The following TRPC6 variants were observed in gnomAD, a reference collection of about 807,000 sequenced individuals.
TRPC6 encodes the protein short transient receptor potential channel 6.
A neutral mutation model predicts 90.7 loss-of-function variants in TRPC6; 55 were observed. The ratio of observed to expected loss-of-function variants is 0.61; its 90% CI spans 0.49 to 0.76. The LOEUF (loss-of-function observed/expected upper bound fraction) is 0.76, where lower values mean the gene tolerates loss of function less well. Ranked by LOEUF, TRPC6 falls within the 30% of genes least tolerant of loss-of-function variation. TRPC6 has a pLI of 0.00. For synonymous variants in TRPC6, 393 were observed against 393.0 expected, an observed-to-expected ratio of 1.00 and a Z score of 0.00; for missense variants, 989 against 1,122.7, an observed-to-expected ratio of 0.88 and a Z score of 1.70.
chr11:101,508,660 G>C (rs1335465211), intron 1 of TRPC6, among the ~76,000 whole-genome samples: 1 of 152,070 alleles, frequency 6.6e-6, no homozygotes, highest in Non-Finnish European at 1.5e-5. Flanking sequence ...GGGAGAGACA[G>C]TATCTTCCAA....
At chr11:101,473,210 T>C (rs1859334040) in intron 7 of TRPC6, among the ~76,000 whole-genome samples, 1 of 152,140 alleles carries the variant, frequency 6.6e-6, no homozygotes, top group South Asian at 2.1e-4. Context: ...CTATGGAATA[T>C]TCAGCAAATT....
intron 1 of TRPC6, among the ~76,000 whole-genome samples, chr11:101,532,238 C>T (rs1351098776): frequency 6.6e-6 from 1 of 152,138 alleles, no homozygotes; most frequent in Non-Finnish European, 1.5e-5. Context: ...AAATCCAAAA[C>T]CTAAATCTTC....
At chr11:101,581,945 T>C (rs1862206552) in intron 1 of TRPC6, among the ~76,000 whole-genome samples, 2 of 152,230 alleles carry the variant, frequency 1.3e-5, no homozygotes, top group Admixed American at 1.3e-4. Context: ...AAATATCTTC[T>C]AATTTAACAC....
At chr11:101,487,730 T>C (rs908928816) in intron 4 of TRPC6, among the ~76,000 whole-genome samples, 1 of 152,182 alleles carries the variant, frequency 6.6e-6, no homozygotes, top group African/African-American at 2.4e-5. Flanking sequence ...ATTTATATTA[T>C]GAATCTGAGA....
At chr11:101,503,545 T>C (rs17741661) in intron 2 of TRPC6, among the ~76,000 whole-genome samples, 13,139 of 152,232 alleles carry the variant, frequency 0.086, 779 homozygotes, top group East Asian at 0.16. Context: ...TTTGTCTCTC[T>C]AGTCAACTGT....
intron 9 of TRPC6, among the ~76,000 whole-genome samples, chr11:101,470,821 C>A (rs59880383): frequency 2.5e-5 from 3 of 118,228 alleles, no homozygotes; most frequent in African/African-American, 8.8e-5. Flanking sequence ...CCCCCCCCTC[C>A]CCGAGTCATA....
In TRPC6 at chr11:101,484,323, A is replaced by G. The variant is rs145827403; in HGVS notation, c.1294-1158T>C. 8.1e-4 allele frequency among the ~76,000 whole-genome samples: 124 copies of G among 152,236 alleles called. 1 individual carries two copies. Among genetic ancestry groups the G allele is most frequent in the African/African-American group, 2.9e-3 (120 of 41,556 alleles). Reference sequence around the variant, plus strand: ...TTCTTGTTCCTAAGTTAATACTTCTATTTGGTTTACAGAATAATTTCATAC... The same window carrying G: ...TTCTTGTTCCTAAGTTAATACTTCTGTTTGGTTTACAGAATAATTTCATAC... On this transcript the variant is annotated intron_variant, in intron 4 of 12. Coordinates refer to ENST00000344327, the MANE Select transcript of TRPC6 (RefSeq NM_004621.6).
chr11:101,580,112 T>C (rs952998200), intron 1 of TRPC6, among the ~76,000 whole-genome samples: 2 of 152,162 alleles, frequency 1.3e-5, no homozygotes, highest in Non-Finnish European at 2.9e-5. Context: ...AGTGCTTTAG[T>C]TTACAGTTTA....
At chr11:101,578,510 A>T (rs979624275) in intron 1 of TRPC6, among the ~76,000 whole-genome samples, 1 of 152,144 alleles carries the variant, frequency 6.6e-6, no homozygotes, top group East Asian at 1.9e-4. Flanking sequence ...GGGAATTCAA[A>T]CTCTGGATCT....
intron 2 of TRPC6, among the ~76,000 whole-genome samples, chr11:101,499,810 A>T (rs1860059468): frequency 9.6e-6 from 1 of 104,332 alleles, no homozygotes; most frequent in Non-Finnish European, 1.9e-5. Context: ...TATACACAGT[A>T]TAAAATGTGT....
Position 101,471,998 on chromosome 11 carries a change from T to C in TRPC6, c.2205+139A>G, listed in dbSNP as rs1474922285. ...AGCAAAGAGTTAAAATTTTCCAGAT[T>C]ACTGGTCAAACGAGTGTATAAAACA... On this transcript the variant is annotated intron_variant, in intron 8 of 12. Coordinates refer to ENST00000344327, the MANE Select transcript of TRPC6 (RefSeq NM_004621.6). 3.5e-6 allele frequency: 3 copies of C among 854,012 alleles called. No individual in the cohort carries two copies. In the African/African-American group the frequency reaches 5.1e-5, roughly 14 times the overall value. The allele number at this position is 854,012 out of a possible 1,614,324, so 52.9% of individuals were successfully genotyped here.
At position 101,476,447 on chromosome 11, in the gene TRPC6, A is replaced by G; in HGVS notation, c.1598T>C (p.Met533Thr). ...GAATGATGCTGCGAAAATTGCTAAC[A>G]TACCAAAATCAAGCATGTTCCACAA... ...FELWNMLDFG[M>T]LAIFAASFIA... Residue 533 changes from methionine (M) to threonine (T), a missense_variant, in exon 6 of 13, where the codon ATG becomes ACG. Met to Thr is a moderately conservative substitution (Grantham distance 81, BLOSUM62 -1). Coordinates refer to ENST00000344327, the MANE Select transcript of TRPC6 (RefSeq NM_004621.6). 1 of 1,614,162 alleles carries G rather than the reference A, an allele frequency of 6.2e-7. No homozygotes were observed. Among genetic ancestry groups the G allele is most frequent in the Non-Finnish European group, 8.5e-7 (1 of 1,180,014 alleles).
intron 3 of TRPC6, among the ~76,000 whole-genome samples, chr11:101,490,193 A>G (rs1859772642): frequency 6.6e-6 from 1 of 152,246 alleles, no homozygotes; most frequent in Admixed American, 6.5e-5. Context: ...ATTATAATAA[A>G]CATCCCTAAA....
intron 10 of TRPC6, chr11:101,455,616 C>T (rs1433008709): frequency 3.3e-5 from 5 of 153,180 alleles, no homozygotes; most frequent in Admixed American, 3.2e-4. Context: ...TGTATACTAT[C>T]CCATTTGGGC....
chr11:101,582,722 G>A (rs1862225072), intron 1 of TRPC6, among the ~76,000 whole-genome samples: 1 of 152,072 alleles, frequency 6.6e-6, no homozygotes, highest in Non-Finnish European at 1.5e-5. Flanking sequence ...CGCGCCGCCG[G>A]TGGAGAGTCC....
At chr11:101,546,141 G>A (rs1861301336) in intron 1 of TRPC6, among the ~76,000 whole-genome samples, 1 of 56,710 alleles carries the variant, frequency 1.8e-5, no homozygotes. Context: ...GCGCAATCTC[G>A]GCTCACTGCA....
chr11:101,504,003 T>A (rs1435351445), intron 2 of TRPC6, 21 bp downstream of exon 2: 1 of 1,613,820 alleles, frequency 6.2e-7, no homozygotes, highest in East Asian at 2.2e-5. Flanking sequence ...GAGGGTGAAG[T>A]CTCTATTGTT....
chr11:101,561,007 T>C (rs1257372872), intron 1 of TRPC6, among the ~76,000 whole-genome samples: 1 of 152,198 alleles, frequency 6.6e-6, no homozygotes, highest in Non-Finnish European at 1.5e-5. Flanking sequence ...CCATGTCTTA[T>C]TGCATGAATA....
At chr11:101,539,905 T>C (rs1478868366) in intron 1 of TRPC6, among the ~76,000 whole-genome samples, 3 of 152,162 alleles carry the variant, frequency 2.0e-5, no homozygotes, top group African/African-American at 4.8e-5. Context: ...TGCTGGAGAA[T>C]TGGCAGGTGG....
Sources: allele counts gnomAD v4.1 joint callset (sites outside exome capture counted in the v4.1 genomes callset), GRCh38; gene constraint gnomAD v4.1.1; transcripts MANE v1.5; gene names NCBI Gene and HGNC (gene_info 2026-07-23, HGNC 2026-07-21).